DEPTOR: variants seen among roughly 807,000 people sequenced by gnomAD.
The protein encoded by DEPTOR is DEP domain containing MTOR interacting protein, also known as DEP domain-containing mTOR-interacting protein.
A neutral mutation model predicts 41.6 loss-of-function variants in DEPTOR; 41 were observed. The observed-to-expected ratio is 0.98, with a 90% CI of 0.77 to 1.28. The LOEUF (loss-of-function observed/expected upper bound fraction) is 1.28. Among genes scored for constraint, DEPTOR ranks in the 50% most tolerant of loss-of-function variants. DEPTOR has a pLI of 0.00. For missense variants in DEPTOR, 514 were observed against 527.9 expected (o/e 0.97, Z 0.26); for synonymous variants, 195 against 192.3 (o/e 1.01, Z -0.12).
At chr8:119,990,243 C>T (rs1389784665) in intron 4 of DEPTOR, among the ~76,000 whole-genome samples, 1 of 152,120 alleles carries the variant, frequency 6.6e-6, no homozygotes, top group Non-Finnish European at 1.5e-5. Flanking sequence ...CTGCAAGCTC[C>T]GCCTCCCAGG....
At chr8:119,920,372 T>C (rs869340) in intron 1 of DEPTOR, among the ~76,000 whole-genome samples, 42,584 of 152,030 alleles carry the variant, frequency 0.28, 6,412 homozygotes, top group Middle Eastern at 0.4. Context: ...TGTAATACAG[T>C]GCGATGAATG....
At chr8:119,932,885 G>C (rs1326070428) in intron 3 of DEPTOR, among the ~76,000 whole-genome samples, 1 of 152,182 alleles carries the variant, frequency 6.6e-6, no homozygotes, top group African/African-American at 2.4e-5. Flanking sequence ...AAAGGGAACG[G>C]TAAGGATAAA....
intron 8 of DEPTOR, among the ~76,000 whole-genome samples, chr8:120,020,442 C>T (rs1402077294): frequency 2.0e-5 from 3 of 152,252 alleles, no homozygotes; most frequent in South Asian, 2.1e-4. Context: ...GTGGTGCAAA[C>T]ATGGTTCACT....
intron 4 of DEPTOR, among the ~76,000 whole-genome samples, chr8:119,979,199 G>C (rs1249865215): frequency 6.6e-6 from 1 of 152,160 alleles, no homozygotes; most frequent in Non-Finnish European, 1.5e-5. Context: ...TTTTGATTTA[G>C]AGAGTAATGT....
intron 1 of DEPTOR, among the ~76,000 whole-genome samples, chr8:119,876,772 G>A (rs1209969248): frequency 6.6e-6 from 1 of 152,104 alleles, no homozygotes; most frequent in Admixed American, 6.5e-5. Context: ...ATTAGCTAAG[G>A]TAGAGTTCTG....
At chr8:120,008,785 C>T (rs113626668) in intron 7 of DEPTOR, among the ~76,000 whole-genome samples, 7 of 152,232 alleles carry the variant, frequency 4.6e-5, no homozygotes, top group African/African-American at 1.7e-4. Context: ...TTTATTGAAT[C>T]ATGCCCTCAT....
At chr8:119,984,265 T>A (rs2130028849) in intron 4 of DEPTOR, among the ~76,000 whole-genome samples, 1 of 151,874 alleles carries the variant, frequency 6.6e-6, no homozygotes, top group Admixed American at 6.6e-5. Context: ...GGCCTTTTAT[T>A]TTATTTTTAA....
intron 1 of DEPTOR, among the ~76,000 whole-genome samples, chr8:119,899,803 C>G (rs184995121): frequency 6.2e-4 from 95 of 152,262 alleles, no homozygotes; most frequent in Middle Eastern, 3.4e-3. Flanking sequence ...TCCTATGCTT[C>G]CCTAATGAGA....
At chr8:119,914,468 T>A (rs1426541752) in intron 1 of DEPTOR, among the ~76,000 whole-genome samples, 2 of 143,584 alleles carry the variant, frequency 1.4e-5, no homozygotes, top group East Asian at 4.4e-4. Flanking sequence ...GAGATGAAGT[T>A]TCACTCTGTT....
intron 8 of DEPTOR, among the ~76,000 whole-genome samples, chr8:120,015,596 A>G (rs972649072): frequency 2.0e-5 from 3 of 152,176 alleles, no homozygotes; most frequent in Admixed American, 6.5e-5. Context: ...GTCAAATTGG[A>G]AAAAACGACA....
intron 3 of DEPTOR, among the ~76,000 whole-genome samples, chr8:119,942,000 T>C (rs1828210165): frequency 6.6e-6 from 1 of 152,054 alleles, no homozygotes; most frequent in Admixed American, 6.6e-5. Context: ...ACTTTTTGGG[T>C]CTAGTTTTGG....
intron 8 of DEPTOR, among the ~76,000 whole-genome samples, chr8:120,020,496 C>T (rs1343550661): frequency 6.6e-6 from 1 of 152,198 alleles, no homozygotes; most frequent in Non-Finnish European, 1.5e-5. Context: ...CCACCTCAGC[C>T]TCCCAAGTAG....
intron 8 of DEPTOR, among the ~76,000 whole-genome samples, chr8:120,030,653 T>C (rs1248726925): frequency 6.6e-6 from 1 of 151,610 alleles, no homozygotes; most frequent in Non-Finnish European, 1.5e-5. Flanking sequence ...ATTAGAGGAC[T>C]GCCACCACAC....
intron 3 of DEPTOR, among the ~76,000 whole-genome samples, chr8:119,957,884 C>T (rs925436376): frequency 1.6e-4 from 24 of 152,166 alleles, no homozygotes; most frequent in African/African-American, 5.5e-4. Context: ...AGCCCCTGCT[C>T]CCGGCCTCTA....
chr8:119,915,168 T>C (rs1241081975), intron 1 of DEPTOR, among the ~76,000 whole-genome samples: 2 of 151,888 alleles, frequency 1.3e-5, no homozygotes, highest in Non-Finnish European at 2.9e-5. Context: ...GGTTTCACCA[T>C]GTTGGCCAGG....
At chr8:120,008,267 G>A (rs1279407070) in intron 7 of DEPTOR, among the ~76,000 whole-genome samples, 3 of 152,166 alleles carry the variant, frequency 2.0e-5, no homozygotes, top group Admixed American at 6.5e-5. Context: ...GGTGGCTCAC[G>A]CCTGTAATCC....
chr8:119,931,510 A>T (rs904697678), intron 3 of DEPTOR, among the ~76,000 whole-genome samples: 2 of 152,166 alleles, frequency 1.3e-5, no homozygotes, highest in Non-Finnish European at 2.9e-5. Context: ...GACCTCACAG[A>T]TGATAGCCAT....
chr8:119,922,249 A>AT (rs1416747733), intron 1 of DEPTOR, among the ~76,000 whole-genome samples: 1 of 151,938 alleles, frequency 6.6e-6, no homozygotes, highest in East Asian at 1.9e-4. Context: ...AAAAAAAAAA[A>AT]AAAGATAAAT....
intron 1 of DEPTOR, among the ~76,000 whole-genome samples, chr8:119,920,715 G>A (rs1035526664): frequency 6.6e-6 from 1 of 152,172 alleles, no homozygotes; most frequent in African/African-American, 2.4e-5. Context: ...TCCTGGGTAG[G>A]TGAGGTTCTT....
Sources: gnomAD v4.1 joint callset for allele counts (sites outside exome capture counted in the v4.1 genomes callset) on GRCh38, gnomAD v4.1.1 for gene constraint, MANE v1.5 for transcripts, NCBI Gene and HGNC (gene_info 2026-07-23, HGNC 2026-07-21) for gene names.